VGLL4: variants seen among roughly 807,000 people sequenced by gnomAD.
VGLL4 encodes the protein transcription cofactor vestigial-like protein 4.
A neutral mutation model predicts 21.0 loss-of-function variants in VGLL4; 7 were observed. The ratio of observed to expected loss-of-function variants is 0.33; its 90% CI spans 0.19 to 0.63. The LOEUF (loss-of-function observed/expected upper bound fraction) is 0.63, where lower values mean the gene tolerates loss of function less well. VGLL4 is among the 20% of genes least tolerant of loss of function. The pLI is 0.78. For synonymous variants in VGLL4, 222 were observed against 173.2 expected (o/e 1.28, Z -2.21); for missense variants, 394 against 425.7 (o/e 0.93, Z 0.66).
At chr3:11,585,201 C>T (rs758871417) in intron 2 of VGLL4, among the ~76,000 whole-genome samples, 2 of 151,932 alleles carry the variant, frequency 1.3e-5, no homozygotes, top group East Asian at 1.9e-4. Context: ...TTTGGGAGGC[C>T]GAGGCGGGCA....
intron 2 of VGLL4, among the ~76,000 whole-genome samples, chr3:11,597,694 T>C (rs1402690807): frequency 1.3e-5 from 2 of 152,142 alleles, no homozygotes; most frequent in East Asian, 1.9e-4. Flanking sequence ...TTCCCTGCTA[T>C]ATAAACCCCA....
At chr3:11,684,841 A>AT (rs1382428808) in intron 2 of VGLL4, among the ~76,000 whole-genome samples, 7 of 149,786 alleles carry the variant, frequency 4.7e-5, no homozygotes, top group East Asian at 2.0e-4. Flanking sequence ...GTTTTTTGTG[A>AT]TTTTTTTAAG....
At chr3:11,708,683 G>A (rs2076795992) in intron 1 of VGLL4, among the ~76,000 whole-genome samples, 1 of 152,182 alleles carries the variant, frequency 6.6e-6, no homozygotes, top group South Asian at 2.1e-4. Flanking sequence ...AAATTATGCT[G>A]CATCTGAAAA....
At position 11,596,573 on chromosome 3, in the gene VGLL4, C is replaced by T. The variant is rs897387526; in HGVS notation, c.272+5260G>A. Among the ~76,000 whole-genome samples the T allele has an allele frequency of 5.3e-5, 8 of 152,192 alleles. No homozygotes were observed. The South Asian group carries it at 6.2e-4, about 12-fold the overall frequency. ...GAGAGTTGGGTTAGCCCTGGAGCAT[C>T]GCCAGGAACTCATTATCTCCTAGCT... On this transcript the variant is annotated intron_variant, in intron 2 of 4. Transcript: ENST00000430365.
chr3:11,632,239 G>A (rs907907920), intron 1 of VGLL4, among the ~76,000 whole-genome samples: 1 of 152,094 alleles, frequency 6.6e-6, no homozygotes, highest in Admixed American at 6.5e-5. Flanking sequence ...CTTGAACCCA[G>A]GAGGCAGAGG....
At chr3:11,647,144 G>A (rs917929085), upstream of VGLL4, among the ~76,000 whole-genome samples, 11 of 152,288 alleles carry the variant, frequency 7.2e-5, no homozygotes, top group Admixed American at 4.6e-4. Context: ...ACAACAGCCC[G>A]CCTCTGCAGG....
intron 1 of VGLL4, among the ~76,000 whole-genome samples, chr3:11,638,024 C>T (rs1054287194): frequency 3.9e-5 from 6 of 152,258 alleles, no homozygotes; most frequent in East Asian, 1.9e-4. Flanking sequence ...TTCCCTGGTC[C>T]GACTGTTTTT....
chr3:11,594,898 A>G (rs1038717998), intron 2 of VGLL4, among the ~76,000 whole-genome samples: 1 of 152,254 alleles, frequency 6.6e-6, no homozygotes, highest in African/African-American at 2.4e-5. Context: ...ACGGTGGCTC[A>G]CGCCAGTAAT....
chr3:11,636,436 A>G (rs2075588150), intron 1 of VGLL4, among the ~76,000 whole-genome samples: 1 of 152,248 alleles, frequency 6.6e-6, no homozygotes, highest in African/African-American at 2.4e-5. Flanking sequence ...TAGATGGTGC[A>G]TAATGCAGAG....
At chr3:11,671,001 C>T (rs1575515916) in intron 2 of VGLL4, among the ~76,000 whole-genome samples, 1 of 152,198 alleles carries the variant, frequency 6.6e-6, no homozygotes, top group Non-Finnish European at 1.5e-5. Context: ...CGTGCCATTG[C>T]ACTCCAGCCT....
At chr3:11,646,250 C>T (rs1014006268), upstream of VGLL4, among the ~76,000 whole-genome samples, 3 of 152,198 alleles carry the variant, frequency 2.0e-5, no homozygotes. Flanking sequence ...ATCCAGTATA[C>T]ATGAGATCAT....
At chr3:11,704,869 A>G (rs1366482553) in intron 1 of VGLL4, among the ~76,000 whole-genome samples, 1 of 152,236 alleles carries the variant, frequency 6.6e-6, no homozygotes, top group Non-Finnish European at 1.5e-5. Context: ...TGCTAGAAAC[A>G]AAGTCCTACA....
At chr3:11,687,236 G>T (rs1455934919) in intron 2 of VGLL4, among the ~76,000 whole-genome samples, 2 of 152,038 alleles carry the variant, frequency 1.3e-5, no homozygotes, top group Non-Finnish European at 2.9e-5. Context: ...TAATACTTTT[G>T]ATATTCCAAT....
In VGLL4 at chr3:11,559,399, C is replaced by G. The variant is rs201909827; in HGVS notation, c.552G>C (p.Ser184=). The G allele has an allele frequency of 6.4e-7, 1 of 1,561,234 alleles. No individual in the cohort carries two copies. The highest frequency in any genetic ancestry group is 8.7e-7 in the Non-Finnish European group (1 of 1,153,756). Residue 184 remains serine (S), a synonymous_variant, in exon 4 of 5, where the codon TCG becomes TCC. Coordinates refer to ENST00000430365, the MANE Select transcript of VGLL4 (RefSeq NM_001128219.3). ...AGCCGCTGTGCGCGATGGGGCAGTG[C>G]GAGAGGTTGCAGTTGCGGGCGCCAG... is the stretch of plus-strand genomic sequence containing the variant. ...ASAGARNCNL[S]HCPIAHSGCA...
chr3:11,574,609 C>A (rs930840680), intron 2 of VGLL4, among the ~76,000 whole-genome samples: 2 of 152,122 alleles, frequency 1.3e-5, no homozygotes, highest in East Asian at 1.9e-4. Flanking sequence ...CTGCAGTTAA[C>A]AATAATACAC....
intron 2 of VGLL4, among the ~76,000 whole-genome samples, chr3:11,666,104 T>C (rs2125361208): frequency 6.6e-6 from 1 of 151,974 alleles, no homozygotes; most frequent in South Asian, 2.1e-4. Context: ...CAAAAAAAAT[T>C]AGCCAGGCAT....
chr3:11,643,375 G>A lies in VGLL4; in HGVS notation c.82+62C>T, dbSNP rs886097789. 27 of 1,612,762 alleles carry A rather than the reference G, an allele frequency of 1.7e-5. No homozygotes were observed. The African/African-American group carries it at 3.2e-4, about 19-fold the overall frequency. ...CGGGCGCTTAGAAGGCAGGCACCCA[G>A]CACACTGAGGAGGAGTGGCCGGGAC... On this transcript the variant is annotated intron_variant, in intron 1 of 4. Transcript: ENST00000430365.
rs997819932 is a variant in VGLL4, at chr3:11,557,209, A to C, written c.*1347T>G. 1 of 152,798 alleles carries C rather than the reference A, an allele frequency of 6.5e-6. No homozygotes were observed. Among genetic ancestry groups the C allele is most frequent in the Non-Finnish European group, 1.5e-5 (1 of 68,044 alleles). The allele number at this position is 152,798 out of a possible 1,614,324, so 9.5% of individuals were successfully genotyped here. A position where few individuals can be genotyped will look rare whatever the true frequency, so the allele number is the denominator to read the frequency against. ...TGTGTCTGTCATGCTTGCTTCATCT[A>C]ATTTCTAGTTAGTAGCTATTAATAT... On this transcript the variant is annotated 3_prime_UTR_variant, in exon 5 of 5. Coordinates refer to ENST00000430365, the MANE Select transcript of VGLL4 (RefSeq NM_001128219.3).
chr3:11,590,451 A>G (rs1662970601), intron 2 of VGLL4, among the ~76,000 whole-genome samples: 1 of 152,120 alleles, frequency 6.6e-6, no homozygotes, highest in Non-Finnish European at 1.5e-5. Flanking sequence ...AAGAGGTAGT[A>G]TAAGAAGTTG....
Sources: allele counts gnomAD v4.1 joint callset (sites outside exome capture counted in the v4.1 genomes callset), GRCh38; gene constraint gnomAD v4.1.1; transcripts MANE v1.5; gene names NCBI Gene and HGNC (gene_info 2026-07-23, HGNC 2026-07-21).